The following SHTN1 variants were observed in gnomAD, a reference collection of about 807,000 sequenced individuals.
The protein encoded by SHTN1 is shootin 1, also known as shootin-1.
In SHTN1, 42 loss-of-function variants were observed where a neutral mutation model predicts 83.1. The observed-to-expected ratio is 0.51, with a 90% CI of 0.39 to 0.65. The LOEUF is 0.65. SHTN1 is among the 30% of genes least tolerant of loss of function. The probability of loss-of-function intolerance (pLI) is 0.00; values close to 1 mark genes in which losing one functional copy is unlikely to be tolerated. For synonymous variants in SHTN1, 224 were observed against 247.7 expected (o/e 0.90, Z 0.90); for missense variants, 622 against 737.8 (o/e 0.84, Z 1.82).
chr10:116,906,507 C>T (rs1847977013), intron 15 of SHTN1, 120 bp downstream of exon 15: 1 of 1,010,910 alleles, frequency 9.9e-7, no homozygotes, highest in Middle Eastern at 2.6e-4. Flanking sequence ...ACTTCTCACT[C>T]ACATTAAAAA....
chr10:117,090,742 T>C (rs1447336604), intron 1 of SHTN1, among the ~76,000 whole-genome samples: 2 of 131,256 alleles, frequency 1.5e-5, no homozygotes, highest in Non-Finnish European at 3.1e-5. Context: ...TGTGCCCTAA[T>C]TTGTGAAAAC....
intron 16 of SHTN1, among the ~76,000 whole-genome samples, chr10:116,889,110 G>T (rs1434377009): frequency 3.9e-5 from 6 of 152,224 alleles, no homozygotes; most frequent in Admixed American, 3.9e-4. Flanking sequence ...CACTTCTGTA[G>T]AACTACCATG....
At position 117,048,498 on chromosome 10, in the gene SHTN1, T is replaced by C. The variant is rs925613802; in HGVS notation, c.-176A>G. On this transcript the variant is annotated 5_prime_UTR_variant, in exon 2 of 18. Coordinates refer to the SHTN1 transcript ENST00000392901. ...CTGGAAAATGAAGGCAGACCACTGA[T>C]TGGAGGGCAAACCTGAAAAGGATTA... 17 of 985,098 alleles carry C rather than the reference T, an allele frequency of 1.7e-5. No individual in the cohort carries two copies. The East Asian group carries it at 3.4e-4, about 20-fold the overall frequency. 61.0% of individuals were successfully genotyped at this position (985,098 alleles called of 1,614,324 possible).
At chr10:116,916,144 A>T (rs1263799616) in intron 12 of SHTN1, among the ~76,000 whole-genome samples, 1 of 152,206 alleles carries the variant, frequency 6.6e-6, no homozygotes, top group Non-Finnish European at 1.5e-5. Context: ...TGATTTTAAA[A>T]TTCAACTATC....
chr10:116,936,777 C>T (rs183566783), intron 9 of SHTN1, among the ~76,000 whole-genome samples: 34 of 152,116 alleles, frequency 2.2e-4, no homozygotes, highest in Admixed American at 1.9e-3. Context: ...AAGTCTCCCA[C>T]TATTATTGTG....
chr10:117,045,614 G>A (rs867367086), intron 2 of SHTN1, among the ~76,000 whole-genome samples: 2 of 152,260 alleles, frequency 1.3e-5, no homozygotes, highest in Middle Eastern at 3.4e-3. Flanking sequence ...TACAACTATG[G>A]CAAACAGTAA....
chr10:117,044,471 G>C (rs1390567539), intron 2 of SHTN1, among the ~76,000 whole-genome samples: 1 of 152,146 alleles, frequency 6.6e-6, no homozygotes. Context: ...TGTAATTTGT[G>C]TCTGAATAAG....
intron 2 of SHTN1, among the ~76,000 whole-genome samples, chr10:117,043,776 AG>A (rs199783210): frequency 0.017 from 2,663 of 152,240 alleles, 78 homozygotes; most frequent in African/African-American, 0.06. Context: ...CTGGAGGTGG[AG>A]GCTGCAGTAA....
At chr10:116,968,299 T>G (rs1218916988) in intron 3 of SHTN1, among the ~76,000 whole-genome samples, 1 of 152,200 alleles carries the variant, frequency 6.6e-6, no homozygotes, top group Non-Finnish European at 1.5e-5. Context: ...TAAAACACGA[T>G]TACATTTTTT....
At chr10:117,005,858 C>G (rs1238002624), upstream of SHTN1, among the ~76,000 whole-genome samples, 2 of 152,234 alleles carry the variant, frequency 1.3e-5, no homozygotes, top group Non-Finnish European at 2.9e-5. Context: ...CCTTGCAGAT[C>G]ATCTGGTTGG....
At chr10:117,022,108 T>C (rs1188989394) in intron 2 of SHTN1, among the ~76,000 whole-genome samples, 1 of 152,154 alleles carries the variant, frequency 6.6e-6, no homozygotes, top group African/African-American at 2.4e-5. Context: ...TTCTAGATCT[T>C]GGACTCCTGA....
intron 2 of SHTN1, among the ~76,000 whole-genome samples, chr10:117,020,374 C>T (rs955584551): frequency 2.0e-5 from 3 of 151,404 alleles, no homozygotes; most frequent in African/African-American, 7.3e-5. Context: ...TGACACGCGC[C>T]TGTAATCCCA....
chr10:117,090,936 A>G (rs1853423354), intron 1 of SHTN1, among the ~76,000 whole-genome samples: 1 of 152,192 alleles, frequency 6.6e-6, no homozygotes, highest in African/African-American at 2.4e-5. Flanking sequence ...CTTTTTCTTT[A>G]AAGGCTTCTG....
intron 1 of SHTN1, among the ~76,000 whole-genome samples, chr10:116,997,373 T>A (rs1196879389): frequency 6.6e-6 from 1 of 152,228 alleles, no homozygotes; most frequent in Non-Finnish European, 1.5e-5. Context: ...CTTGTTCATG[T>A]CTTTTGTTAC....
chr10:116,948,624 C>T (rs776504922), intron 7 of SHTN1, among the ~76,000 whole-genome samples: 10 of 152,142 alleles, frequency 6.6e-5, no homozygotes, highest in Middle Eastern at 3.4e-3. Context: ...GAGGGGAGAG[C>T]TAAAAAGGCC....
intron 1 of SHTN1, among the ~76,000 whole-genome samples, chr10:116,986,809 A>C (rs1467838351): frequency 1.4e-5 from 2 of 143,552 alleles, no homozygotes; most frequent in Non-Finnish European, 3.0e-5. Context: ...GCTCACTGCA[A>C]CTTCTGCCTT....
chr10:116,933,662 T>C (rs568305605), intron 9 of SHTN1, among the ~76,000 whole-genome samples: 1 of 152,246 alleles, frequency 6.6e-6, no homozygotes, highest in Non-Finnish European at 1.5e-5. Flanking sequence ...GAACAATTTA[T>C]AATCCTTTGG....
At chr10:117,079,444 C>T (rs1226104491) in intron 1 of SHTN1, among the ~76,000 whole-genome samples, 1 of 114,292 alleles carries the variant, frequency 8.7e-6, no homozygotes, top group East Asian at 2.4e-4. Context: ...CATTGTTGGA[C>T]ATTTGGGTTG....
intron 1 of SHTN1, among the ~76,000 whole-genome samples, chr10:116,982,933 A>G (rs1009417499): frequency 1.3e-5 from 2 of 152,074 alleles, no homozygotes; most frequent in Non-Finnish European, 2.9e-5. Context: ...ACTGCACTCC[A>G]GCCTGGGTAA....
Sources: allele counts gnomAD v4.1 joint callset (sites outside exome capture counted in the v4.1 genomes callset), GRCh38; gene constraint gnomAD v4.1.1; transcripts MANE v1.5; gene names NCBI Gene and HGNC (gene_info 2026-07-23, HGNC 2026-07-21).